CFAP43: variants seen among roughly 807,000 people sequenced by gnomAD.
The protein encoded by CFAP43 is cilia- and flagella-associated protein 43.
In CFAP43, 155 loss-of-function variants were observed where a neutral mutation model predicts 218.9. The ratio of observed to expected loss-of-function variants is 0.71; its 90% CI spans 0.62 to 0.81. CFAP43 has a LOEUF of 0.81. CFAP43 is among the 30% of genes least tolerant of loss of function. The pLI, the probability that CFAP43 is intolerant of heterozygous loss-of-function variation, is 0.00. For missense variants in CFAP43, 1,778 were observed against 1,954.3 expected (o/e 0.91, Z 1.70); for synonymous variants, 645 against 681.3 (o/e 0.95, Z 0.83).
At chr10:104,194,508 T>C (rs1475961957) in intron 10 of CFAP43, among the ~76,000 whole-genome samples, 1 of 152,192 alleles carries the variant, frequency 6.6e-6, no homozygotes, top group Non-Finnish European at 1.5e-5. Context: ...TCGCTGGGAT[T>C]ACAGGTTCAA....
intron 12 of CFAP43, among the ~76,000 whole-genome samples, 180 bp from the exon 13 acceptor site, chr10:104,188,590 G>A (rs1484128448): frequency 6.6e-6 from 1 of 152,128 alleles, no homozygotes; most frequent in Non-Finnish European, 1.5e-5. Context: ...TTGATGAATG[G>A]ATGAGGGATT....
chr10:104,162,483 C>A (rs2088931797), intron 24 of CFAP43, 80 bp from the exon 25 acceptor site: 1 of 1,211,190 alleles, frequency 8.3e-7, no homozygotes, highest in African/African-American at 1.5e-5. Flanking sequence ...TGGGAGGAGG[C>A]TGGAAGATAC....
At chr10:104,228,100 C>A (rs1483451213) in intron 2 of CFAP43, among the ~76,000 whole-genome samples, 33 of 152,210 alleles carry the variant, frequency 2.2e-4, no homozygotes, top group South Asian at 2.1e-4. Flanking sequence ...CCTTGGCCTC[C>A]CAAAGTGCTG....
At chr10:104,192,435 G>T in intron 11 of CFAP43, 133 bp from the exon 12 acceptor site, 1 of 689,972 alleles carries the variant, frequency 1.4e-6, no homozygotes, top group Non-Finnish European at 2.5e-6. Flanking sequence ...AATATTCTCT[G>T]ACCTTATTAA....
intron 28 of CFAP43, 74 bp from the exon 29 acceptor site, chr10:104,148,072 T>C: frequency 2.2e-6 from 2 of 890,072 alleles, no homozygotes; most frequent in Non-Finnish European, 3.2e-6. Flanking sequence ...GACTTGGCAC[T>C]AATCAAGCAA....
chr10:104,192,215 C>T lies in CFAP43; in HGVS notation c.1530G>A (p.Gln510=), dbSNP rs1413312969. ...ATGTTGTACCTGTGAATCCAATAATCTGAAATGAGCTTGAGGAGTTGGCAT... is the reference window on the plus strand; with the variant it reads ...ATGTTGTACCTGTGAATCCAATAATTTGAAATGAGCTTGAGGAGTTGGCAT... ...IINANSSSSF[Q]IIGFTEVAKD... Residue 510 remains glutamine (Q), a synonymous_variant, in exon 12 of 38, where the codon CAG becomes CAA. Coordinates refer to ENST00000357060, the MANE Select transcript of CFAP43 (RefSeq NM_025145.7). 8 of 1,610,826 alleles carry T rather than the reference C, an allele frequency of 5.0e-6. No homozygotes were observed. Among genetic ancestry groups the T allele is most frequent in the African/African-American group, 4.0e-5 (3 of 74,796 alleles).
intron 19 of CFAP43, among the ~76,000 whole-genome samples, chr10:104,173,540 G>A (rs775747254): frequency 1.6e-4 from 25 of 152,212 alleles, no homozygotes; most frequent in Admixed American, 1.4e-3. Context: ...GTTCCCTAGG[G>A]TCCAGCAGTA....
intron 3 of CFAP43, among the ~76,000 whole-genome samples, chr10:104,223,236 A>G (rs1186988235): frequency 6.6e-6 from 1 of 152,220 alleles, no homozygotes; most frequent in Non-Finnish European, 1.5e-5. Flanking sequence ...GTGTTTGAGA[A>G]AGGTTATACA....
At chr10:104,229,059 C>G (rs1284502863) in intron 2 of CFAP43, among the ~76,000 whole-genome samples, 1 of 152,062 alleles carries the variant, frequency 6.6e-6, no homozygotes, top group Non-Finnish European at 1.5e-5. Flanking sequence ...AATAACCAAC[C>G]TGGGGAAATT....
At chr10:104,134,931 T>C (rs1020209071) in intron 34 of CFAP43, among the ~76,000 whole-genome samples, 10 of 151,884 alleles carry the variant, frequency 6.6e-5, no homozygotes, top group African/African-American at 2.4e-4. Context: ...CACAAGAAAA[T>C]TACAGACCAA....
At chr10:104,136,626 C>A (rs1307077125) in intron 34 of CFAP43, among the ~76,000 whole-genome samples, 1 of 152,078 alleles carries the variant, frequency 6.6e-6, no homozygotes, top group African/African-American at 2.4e-5. Flanking sequence ...CTCAGCTTCC[C>A]AAAGTGCTGG....
At chr10:104,188,749 C>A (rs753585472) in intron 12 of CFAP43, among the ~76,000 whole-genome samples, 28 of 152,280 alleles carry the variant, frequency 1.8e-4, no homozygotes, top group Non-Finnish European at 3.5e-4. Context: ...CAAGTCCACT[C>A]CAGCCAGGTT....
At chr10:104,149,490 T>C (rs2088143240) in intron 28 of CFAP43, among the ~76,000 whole-genome samples, 1 of 152,242 alleles carries the variant, frequency 6.6e-6, no homozygotes, top group Non-Finnish European at 1.5e-5. Flanking sequence ...ATGCTTTCCC[T>C]TTATCAGTTT....
At chr10:104,167,058 A>G (rs1361870073) in intron 22 of CFAP43, among the ~76,000 whole-genome samples, 1 of 152,230 alleles carries the variant, frequency 6.6e-6, no homozygotes, top group African/African-American at 2.4e-5. Context: ...TTTTACAAAG[A>G]AACCTGTTAA....
intron 34 of CFAP43, among the ~76,000 whole-genome samples, chr10:104,134,544 C>T (rs1032379408): frequency 3.9e-4 from 59 of 151,972 alleles, no homozygotes; most frequent in African/African-American, 1.4e-3. Flanking sequence ...GAAATGAAAT[C>T]AAGAATATTA....
intron 15 of CFAP43, among the ~76,000 whole-genome samples, chr10:104,185,710 T>A (rs2090007196): frequency 6.6e-6 from 1 of 152,244 alleles, no homozygotes; most frequent in Admixed American, 6.5e-5. Context: ...TTCTCAACCA[T>A]GATGCCTTTT....
chr10:104,229,328 A>G (rs1024272933), intron 2 of CFAP43, among the ~76,000 whole-genome samples: 4 of 152,164 alleles, frequency 2.6e-5, no homozygotes, highest in Non-Finnish European at 5.9e-5. Flanking sequence ...GCAGACGTGC[A>G]GCAGCTCAGT....
chr10:104,230,659 C>A lies in CFAP43; in HGVS notation c.250G>T (p.Asp84Tyr). The change falls in exon 2 of 38, where the codon GAC becomes TAC. Residue 84 changes from aspartate to tyrosine, a missense_variant. Transcript: ENST00000357060. Reference sequence around the variant, plus strand: ...TAGATGAGAGGTTTTAGCTTCCGGTCAGAAAAAGCCACAACTTCACAGGGG... The same window carrying A: ...TAGATGAGAGGTTTTAGCTTCCGGTAAGAAAAAGCCACAACTTCACAGGGG... ...NIPCEVVAFS[D>Y]RKLKPLIYVY... The A allele has an allele frequency of 6.2e-7, 1 of 1,614,082 alleles. No individual in the cohort carries two copies. The highest frequency in any genetic ancestry group is 1.1e-5 in the South Asian group (1 of 91,058).
intron 32 of CFAP43, among the ~76,000 whole-genome samples, chr10:104,143,101 T>G (rs2087783910): frequency 6.6e-6 from 1 of 152,244 alleles, no homozygotes. Context: ...TATTTCTTTT[T>G]GTTCATACTA....
Sources: allele counts gnomAD v4.1 joint callset (sites outside exome capture counted in the v4.1 genomes callset), GRCh38; gene constraint gnomAD v4.1.1; transcripts MANE v1.5; gene names NCBI Gene and HGNC (gene_info 2026-07-23, HGNC 2026-07-21).